Variants in ATL2 observed in about 807,000 individuals in gnomAD.
ATL2 encodes atlastin GTPase 2, also known as atlastin-2.
ATL2 carries 31 observed loss-of-function variants against 73.9 expected under a neutral mutation model. The observed-to-expected ratio is 0.42, with a 90% CI of 0.32 to 0.57. The LOEUF is 0.57. Among genes scored for constraint, ATL2 ranks in the 20% least tolerant of loss-of-function variants. The pLI, the probability that ATL2 is intolerant of heterozygous loss-of-function variation, is 0.14. For missense variants in ATL2, 738 were observed against 702.6 expected (o/e 1.05, Z -0.57); for synonymous variants, 291 against 237.5 (o/e 1.23, Z -2.07).
chr2:38,343,685 T>C (rs1230013433), intron 1 of ATL2, among the ~76,000 whole-genome samples, 173 bp from the exon 2 acceptor site: 1 of 152,180 alleles, frequency 6.6e-6, no homozygotes, highest in Non-Finnish European at 1.5e-5. Context: ...CAAAGAATGC[T>C]GATAAGATTT....
intron 1 of ATL2, among the ~76,000 whole-genome samples, chr2:38,351,118 A>G (rs1271514184): frequency 6.6e-6 from 1 of 151,964 alleles, no homozygotes; most frequent in African/African-American, 2.4e-5. Flanking sequence ...TTTCATGGAA[A>G]GTAACCTTGA....
intron 2 of ATL2, among the ~76,000 whole-genome samples, chr2:38,337,187 G>C (rs377015546): frequency 1.1e-4 from 16 of 151,514 alleles, no homozygotes; most frequent in Admixed American, 6.6e-5. Context: ...AAACAAAAAC[G>C]AAAAGCAGTT....
intron 2 of ATL2, among the ~76,000 whole-genome samples, chr2:38,329,003 TA>T (rs574357346): frequency 2.0e-5 from 3 of 150,068 alleles, no homozygotes; most frequent in South Asian, 2.1e-4. Flanking sequence ...CCTTGAACAT[TA>T]AAAAAATAAA....
chr2:38,364,236 T>G (rs1039375758), intron 1 of ATL2, among the ~76,000 whole-genome samples: 1 of 152,128 alleles, frequency 6.6e-6, no homozygotes. Context: ...CACTCCAGCC[T>G]GGGCAACAGA....
chr2:38,339,206 CT>C (rs1669553178), intron 2 of ATL2, among the ~76,000 whole-genome samples: 2 of 151,840 alleles, frequency 1.3e-5, no homozygotes, highest in Admixed American at 6.6e-5. Flanking sequence ...ACGAGGGAAA[CT>C]ACGTCTCAAA....
At chr2:38,319,063 A>C (rs749666055) in intron 2 of ATL2, 44 bp from the exon 3 acceptor site, 1 of 1,573,314 alleles carries the variant, frequency 6.4e-7, no homozygotes, top group Non-Finnish European at 8.6e-7. Flanking sequence ...ACAATTAAGA[A>C]ATAAAAGAAA....
At chr2:38,305,441 C>T (rs1667398042) in intron 9 of ATL2, among the ~76,000 whole-genome samples, 1 of 151,924 alleles carries the variant, frequency 6.6e-6, no homozygotes, top group Non-Finnish European at 1.5e-5. Context: ...CTCAGCTACT[C>T]AGGAGACTGA....
At chr2:38,300,898 T>C (rs1667152325) in intron 9 of ATL2, among the ~76,000 whole-genome samples, 1 of 147,218 alleles carries the variant, frequency 6.8e-6, no homozygotes, top group Admixed American at 6.7e-5. Context: ...AAAAAAAAAC[T>C]AATTTGTGGT....
chr2:38,330,930 A>C (rs1030177866), intron 2 of ATL2, among the ~76,000 whole-genome samples: 2 of 152,210 alleles, frequency 1.3e-5, no homozygotes, highest in African/African-American at 4.8e-5. Context: ...ATCTTGAAAA[A>C]GAACAAAATG....
chr2:38,330,638 A>G (rs1333814275), intron 2 of ATL2, among the ~76,000 whole-genome samples: 1 of 152,232 alleles, frequency 6.6e-6, no homozygotes, highest in Non-Finnish European at 1.5e-5. Flanking sequence ...GAAATTAAGA[A>G]AGCAATTCCA....
chr2:38,319,033 G>A lies in ATL2; in HGVS notation c.364-14C>T. 1 of 1,605,276 alleles carries A rather than the reference G, an allele frequency of 6.2e-7. No individual in the cohort carries two copies. Among genetic ancestry groups the A allele is most frequent in the Non-Finnish European group, 8.5e-7 (1 of 1,176,698 alleles). On this transcript the variant is annotated splice_polypyrimidine_tract_variant and intron_variant, in intron 2 of 12. Coordinates refer to ENST00000378954, the MANE Select transcript of ATL2 (RefSeq NM_001135673.4). ...ACTTTGAGAATCCTGTTAAAGTCAAGGATAAATGTAAAATACAACACAATT... is the reference window on the plus strand; with the variant it reads ...ACTTTGAGAATCCTGTTAAAGTCAAAGATAAATGTAAAATACAACACAATT...
intron 1 of ATL2, among the ~76,000 whole-genome samples, chr2:38,370,448 C>CAAAAAAAAAAAAAA (rs55964015): frequency 5.4e-5 from 3 of 55,188 alleles, no homozygotes; most frequent in Non-Finnish European, 7.6e-5. Flanking sequence ...GACTCTGTCC[C>CAAAAAAAAAAAAAA]AAAAAAAAAA....
At chr2:38,306,816 C>T (rs1667472270) in intron 9 of ATL2, among the ~76,000 whole-genome samples, 1 of 152,146 alleles carries the variant, frequency 6.6e-6, no homozygotes, top group Non-Finnish European at 1.5e-5. Context: ...AATTGAAAGC[C>T]TTTCCTTTAA....
chr2:38,356,572 C>T (rs1051911961), intron 1 of ATL2, among the ~76,000 whole-genome samples: 6 of 152,116 alleles, frequency 3.9e-5, no homozygotes, highest in Non-Finnish European at 7.4e-5. Context: ...ACACTAAATG[C>T]TTATCAGAAA....
intron 2 of ATL2, among the ~76,000 whole-genome samples, chr2:38,323,701 CAGAG>C (rs915977173): frequency 2.0e-5 from 3 of 151,998 alleles, no homozygotes; most frequent in Non-Finnish European, 4.4e-5. Flanking sequence ...GTTAGTTAGA[CAGAG>C]AGAAAGAAAA....
At chr2:38,369,041 A>G (rs1264830774) in intron 1 of ATL2, among the ~76,000 whole-genome samples, 3 of 152,236 alleles carry the variant, frequency 2.0e-5, no homozygotes, top group Admixed American at 2.0e-4. Context: ...ATATGTTGGC[A>G]TTTATTTTTA....
chr2:38,338,941 C>A (rs927230659), intron 2 of ATL2, among the ~76,000 whole-genome samples: 2 of 151,966 alleles, frequency 1.3e-5, no homozygotes, highest in African/African-American at 4.8e-5. Context: ...TAGTCAAGAT[C>A]ACCAGGCTCA....
intron 2 of ATL2, among the ~76,000 whole-genome samples, chr2:38,323,508 G>A (rs1292784022): frequency 6.6e-6 from 1 of 151,644 alleles, no homozygotes; most frequent in Non-Finnish European, 1.5e-5. Flanking sequence ...CCAGCCTGAA[G>A]TTTAAGTATA....
intron 1 of ATL2, among the ~76,000 whole-genome samples, chr2:38,371,047 A>C (rs1053677747): frequency 6.6e-6 from 1 of 152,182 alleles, no homozygotes; most frequent in Admixed American, 6.5e-5. Context: ...ATAAAGGTGA[A>C]ATTAAACCAA....
Sources: gnomAD v4.1 joint callset for allele counts (sites outside exome capture counted in the v4.1 genomes callset) on GRCh38, gnomAD v4.1.1 for gene constraint, MANE v1.5 for transcripts, NCBI Gene and HGNC (gene_info 2026-07-23, HGNC 2026-07-21) for gene names.